Variants in SMC3 observed in about 807,000 individuals in gnomAD.
SMC3 encodes the protein structural maintenance of chromosomes protein 3.
SMC3 carries 20 observed loss-of-function variants against 171.8 expected under a neutral mutation model. The ratio of observed to expected loss-of-function variants is 0.12; its 90% CI spans 0.08 to 0.17. The LOEUF (loss-of-function observed/expected upper bound fraction) is 0.17. SMC3 is among the 10% of genes least tolerant of loss of function. SMC3 has a pLI of 1.00. For synonymous variants in SMC3, 464 were observed against 451.1 expected (o/e 1.03, Z -0.36); for missense variants, 543 against 1,420.4 (o/e 0.38, Z 9.93).
Position 110,590,505 on chromosome 10 carries a change from A to G in SMC3, c.1603A>G (p.Ile535Val). ...NQHVQNGYHG[I>V]VMNNFECEPA... ...GCATGTTCAAAATGGCTATCATGGT[A>G]TTGTAATGAATAACTTTGAATGTGA... Residue 535 changes from isoleucine (I) to valine (V), a missense_variant, in exon 16 of 29, where the codon ATT becomes GTT. By Grantham distance (29) the Ile-to-Val change is conservative. Around this residue, in one of 8 missense-constraint regions of SMC3, gnomAD observed 218 missense variants for 509.6 expected, o/e 0.43. Coordinates refer to ENST00000361804, the MANE Select transcript of SMC3 (RefSeq NM_005445.4). 1.2e-6 allele frequency: 2 copies of G among 1,614,022 alleles called. No individual in the cohort carries two copies. The highest frequency in any genetic ancestry group is 1.7e-6 in the Non-Finnish European group (2 of 1,179,852).
At chr10:110,597,840 A>G in intron 19 of SMC3, among the ~76,000 whole-genome samples, 1 of 152,236 alleles carries the variant, frequency 6.6e-6, no homozygotes, top group East Asian at 1.9e-4. Flanking sequence ...AGTATGTAAT[A>G]TTGTTAGATT....
At chr10:110,599,944 A>T in intron 21 of SMC3, 132 bp downstream of exon 21, 2 of 848,288 alleles carry the variant, frequency 2.4e-6, no homozygotes, top group Non-Finnish European at 3.9e-6. Flanking sequence ...GACTTTTAAT[A>T]TACATAGGAG....
At chr10:110,599,900 GA>G (rs1201576472) in intron 21 of SMC3, 88 bp downstream of exon 21, 1 of 1,159,732 alleles carries the variant, frequency 8.6e-7, no homozygotes, top group African/African-American at 1.5e-5. Context: ...CAATATGAAA[GA>G]AAAGAACTGA....
chr10:110,580,643 G>C (rs1443722114), intron 7 of SMC3, among the ~76,000 whole-genome samples: 2 of 152,208 alleles, frequency 1.3e-5, no homozygotes, highest in Admixed American at 1.3e-4. Context: ...AACCTTTCGA[G>C]TGTGGACATG....
At chr10:110,594,714 C>T (rs1861269073) in intron 18 of SMC3, among the ~76,000 whole-genome samples, 4 of 152,016 alleles carry the variant, frequency 2.6e-5, no homozygotes, top group Admixed American at 2.6e-4. Context: ...ACCCATCTCC[C>T]CCCAAGCTTT....
In SMC3 at chr10:110,591,010, G is replaced by C; in HGVS notation, c.1690G>C (p.Asp564His). 6.2e-7 allele frequency: 1 copy of C among 1,612,924 alleles called. No homozygotes were observed. The highest frequency in any genetic ancestry group is 1.1e-5 in the South Asian group (1 of 91,020). The part of the protein sequence containing the change: ...AGNRLFYHIV[D>H]SDEVSTKILM... The stretch of plus-strand genomic sequence containing the variant: ...ATTTAGGTTATTTTATCACATTGTT[G>C]ATTCAGATGAAGTCAGCACGAAGAT... The change falls in exon 17 of 29, where the codon GAT (aspartate) becomes CAT (histidine). Residue 564 changes from aspartate to histidine, a missense_variant. Transcript: ENST00000361804.
intron 20 of SMC3, among the ~76,000 whole-genome samples, chr10:110,598,924 T>C (rs1373515982): frequency 6.6e-6 from 1 of 152,162 alleles, no homozygotes; most frequent in Non-Finnish European, 1.5e-5. Flanking sequence ...TTCCGTTTTG[T>C]CCAGATTGTA....
intron 3 of SMC3, among the ~76,000 whole-genome samples, chr10:110,574,448 A>T (rs777940593): frequency 1.4e-4 from 21 of 152,196 alleles, no homozygotes; most frequent in Non-Finnish European, 2.9e-4. Context: ...GGAAAGGGGC[A>T]TTTAGTGGAC....
In SMC3 at chr10:110,568,363, C is replaced by T. The variant is rs3814682; in HGVS notation, c.15+532C>T. The T allele has an allele frequency of 1.2e-3, 216 of 175,048 alleles. 6 individuals are homozygous for T. In the East Asian group the frequency reaches 0.031, roughly 25 times the overall value. 10.8% of individuals were successfully genotyped at this position (175,048 alleles called of 1,614,324 possible). ...AACCCGCGAAGTGAGCGGGACCCTCCTGCTTGCAGGATACGGAGCGCCGCC... is the reference window on the plus strand; with the variant it reads ...AACCCGCGAAGTGAGCGGGACCCTCTTGCTTGCAGGATACGGAGCGCCGCC... On this transcript the variant is annotated intron_variant, in intron 1 of 28. Transcript: ENST00000361804.
chr10:110,592,794 A>G (rs1414892846), intron 17 of SMC3, among the ~76,000 whole-genome samples: 1 of 152,196 alleles, frequency 6.6e-6, no homozygotes, highest in Non-Finnish European at 1.5e-5. Flanking sequence ...CATCTGATAA[A>G]TGGTGAAACG....
intron 2 of SMC3, 60 bp downstream of exon 2, chr10:110,569,073 T>G: frequency 9.4e-7 from 1 of 1,068,582 alleles, no homozygotes; most frequent in Non-Finnish European, 1.5e-6. Context: ...GTAAATTCTG[T>G]CCATTTCTAT....
At chr10:110,591,931 A>G (rs1018208716) in intron 17 of SMC3, among the ~76,000 whole-genome samples, 2 of 152,152 alleles carry the variant, frequency 1.3e-5, no homozygotes, top group African/African-American at 4.8e-5. Flanking sequence ...GACACAAAGG[A>G]GTACATGGAG....
intron 18 of SMC3, among the ~76,000 whole-genome samples, chr10:110,593,935 C>G (rs1032941757): frequency 3.3e-5 from 5 of 152,046 alleles, no homozygotes; most frequent in Non-Finnish European, 7.4e-5. Flanking sequence ...GTGCAGTGAG[C>G]CAAGATCACA....
chr10:110,592,296 G>A (rs1861219535), intron 17 of SMC3, among the ~76,000 whole-genome samples: 1 of 151,878 alleles, frequency 6.6e-6, no homozygotes, highest in South Asian at 2.1e-4. Flanking sequence ...GAACTGGGAA[G>A]TGCAAGGAAG....
chr10:110,577,865 G>A lies in SMC3; in HGVS notation c.301G>A (p.Val101Ile), dbSNP rs1407886381. The change falls in exon 6 of 29, where the codon GTT (valine) becomes ATT (isoleucine). Residue 101 changes from valine (V) to isoleucine (I), a missense_variant. Val to Ile is a conservative substitution (Grantham distance 29). This residue lies in a region of SMC3 where 146 missense variants were observed against 437.9 expected (regional missense o/e 0.33). Transcript: ENST00000361804. ...IDKEEVSLRR[V>I]IGAKKDQYFL... is the part of the protein sequence containing the mutation. ...TAAAGAGGAAGTTTCACTTCGAAGA[G>A]TTATTGGTGCCAAAAAGGATCAGTA... 6.2e-7 allele frequency: 1 copy of A among 1,612,998 alleles called. No homozygotes were observed.
At chr10:110,597,067 C>T (rs1031502124) in intron 19 of SMC3, among the ~76,000 whole-genome samples, 1 of 151,194 alleles carries the variant, frequency 6.6e-6, no homozygotes, top group Non-Finnish European at 1.5e-5. Flanking sequence ...TCACTTGAGC[C>T]TGGGAGGTGG....
At chr10:110,598,000 T>C (rs1861327983) in intron 19 of SMC3, 139 bp from the exon 20 acceptor site, 1 of 748,568 alleles carries the variant, frequency 1.3e-6, no homozygotes, top group African/African-American at 1.7e-5. Flanking sequence ...TTCAGCATTG[T>C]TTTGGTCCAT....
At chr10:110,580,330 T>C (rs200548201) in intron 7 of SMC3, among the ~76,000 whole-genome samples, 6 of 152,186 alleles carry the variant, frequency 3.9e-5, no homozygotes, top group East Asian at 1.9e-4. Flanking sequence ...TCAGTGATGG[T>C]TTTCCCTTAT....
At chr10:110,594,879 A>G (rs1861272514) in intron 18 of SMC3, among the ~76,000 whole-genome samples, 1 of 152,170 alleles carries the variant, frequency 6.6e-6, no homozygotes, top group Admixed American at 6.5e-5. Flanking sequence ...CACCTAAGAA[A>G]TTTAACATTA....
Sources: allele counts gnomAD v4.1 joint callset (sites outside exome capture counted in the v4.1 genomes callset), GRCh38; gene constraint gnomAD v4.1.1; regional missense constraint gnomAD v4.1.1; transcripts MANE v1.5; gene names NCBI Gene and HGNC (gene_info 2026-07-23, HGNC 2026-07-21).